Variants in FBXO3 observed in about 807,000 individuals in gnomAD.
FBXO3 encodes the protein F-box only protein 3.
In FBXO3, 17 loss-of-function variants were observed where a neutral mutation model predicts 64.8. The ratio of observed to expected loss-of-function variants is 0.26; its 90% CI spans 0.18 to 0.39. The LOEUF is 0.39. Among genes scored for constraint, FBXO3 ranks in the 10% least tolerant of loss-of-function variants. The pLI is 1.00. For synonymous variants in FBXO3, 182 were observed against 201.6 expected, an observed-to-expected ratio of 0.90 and a Z score of 0.82; for missense variants, 420 against 589.9, an observed-to-expected ratio of 0.71 and a Z score of 2.98.
rs368694804 is a variant in FBXO3, at chr11:33,750,570, G to A, written c.901C>T (p.Pro301Ser). 4 of 1,613,916 alleles carry A rather than the reference G, an allele frequency of 2.5e-6. No homozygotes were observed. Among genetic ancestry groups the A allele is most frequent in the Non-Finnish European group, 2.5e-6 (3 of 1,179,858 alleles). The change falls in exon 8 of 11, where the codon CCA (proline) becomes TCA (serine). Residue 301 changes from proline (P) to serine (S), a missense_variant. Coordinates refer to ENST00000265651, the MANE Select transcript of FBXO3 (RefSeq NM_012175.4). ...CGGTATGTGAAGAAATAGTGGGGTG[G>A]ATGTACAGAGCTAAGTTCTGGCAGA... is the stretch of plus-strand genomic sequence containing the variant. ...SFLPELSSVH[P>S]PHYFFTYRIR... is the part of the protein sequence containing the mutation.
chr11:33,746,948 A>C, intron 10 of FBXO3, 182 bp downstream of exon 10: 4 of 1,451,468 alleles, frequency 2.8e-6, no homozygotes, highest in Non-Finnish European at 3.6e-6. Context: ...CTGGTTAGAG[A>C]CTATGGAGCC....
chr11:33,746,733 A>T, intron 10 of FBXO3: 1 of 1,425,792 alleles, frequency 7.0e-7, no homozygotes, highest in Admixed American at 2.8e-5. Flanking sequence ...GTACACATCC[A>T]CACATTAAAT....
intron 4 of FBXO3, among the ~76,000 whole-genome samples, chr11:33,757,671 A>AAAAAAAAAAAAAAAAAAAAAAAAC (rs1301753464): frequency 7.0e-6 from 1 of 143,690 alleles, no homozygotes; most frequent in Non-Finnish European, 1.5e-5. Flanking sequence ...AAAAAAAAAA[A>AAAAAAAAAAAAAAAAAAAAAAAAC]AAAAAAAAAA....
chr11:33,753,499 C>T, intron 6 of FBXO3: 1 of 152,200 alleles, frequency 6.6e-6, no homozygotes, highest in Non-Finnish European at 1.5e-5. Context: ...GCAAAAATAA[C>T]AACGAGGGCA....
rs1590556985 is a variant in FBXO3, at chr11:33,741,692, A to T, written c.*216T>A. ...TTCTTCCACTGACTCCTGGAAGAGA[A>T]AAAAAAGATTCCCATTTCTTCCTCT... On this transcript the variant is annotated 3_prime_UTR_variant, in exon 11 of 11. Transcript: ENST00000265651. 2.6e-6 allele frequency: 1 copy of T among 386,256 alleles called. No homozygotes were observed. The highest frequency in any genetic ancestry group is 3.9e-5 in the East Asian group (1 of 25,392). 23.9% of individuals were successfully genotyped at this position (386,256 alleles called of 1,614,324 possible).
At chr11:33,767,002 G>GAA (rs11417319) in intron 3 of FBXO3, among the ~76,000 whole-genome samples, 35 of 142,208 alleles carry the variant, frequency 2.5e-4, no homozygotes, top group Admixed American at 4.9e-4. Context: ...AAAAAAAAAA[G>GAA]AAAAAAAAAA....
rs752650063 is a variant in FBXO3, at chr11:33,747,298, T to C, written c.1071A>G (p.Pro357=). The C allele has an allele frequency of 1.0e-4, 165 of 1,609,402 alleles. 1 individual carries two copies. The highest frequency in any genetic ancestry group is 8.9e-5 in the South Asian group (8 of 90,212). The stretch of plus-strand genomic sequence containing the variant: ...AGCTTGTGTATTCATATACCCGACC[T>C]GGGCTGATGATTGGAAATTCACCTG... ...GVVGEFPIIS[P]GRVYEYTSCT... is the part of the protein sequence containing the mutation. Residue 357 remains proline (P), a synonymous_variant, in exon 10 of 11, where the codon CCA becomes CCG. Transcript: ENST00000265651.
intron 10 of FBXO3, chr11:33,744,322 C>G (rs1200695509): frequency 6.6e-6 from 1 of 151,946 alleles, no homozygotes; most frequent in Non-Finnish European, 1.5e-5. Context: ...TGTACACACA[C>G]AAACAGCAGA....
At chr11:33,747,919 A>G (rs1040016944) in intron 9 of FBXO3, among the ~76,000 whole-genome samples, 4 of 152,072 alleles carry the variant, frequency 2.6e-5, no homozygotes, top group Non-Finnish European at 5.9e-5. Context: ...TCTTTTTCAA[A>G]AAGCTTTGAG....
In FBXO3 at chr11:33,741,623, A is replaced by T; in HGVS notation, c.*285T>A. 1 of 226,314 alleles carries T rather than the reference A, an allele frequency of 4.4e-6. No homozygotes were observed. Among genetic ancestry groups the T allele is most frequent in the Non-Finnish European group, 8.5e-6 (1 of 117,380 alleles). The allele number at this position is 226,314 out of a possible 1,614,324, so 14.0% of individuals were successfully genotyped here. The stretch of plus-strand genomic sequence containing the variant: ...ATTTCTAGATTTTTGTAAGTATAAA[A>T]TATTTTAAAACAAAGGTATGTCCAT... On this transcript the variant is annotated 3_prime_UTR_variant, in exon 11 of 11. Coordinates refer to ENST00000265651, the MANE Select transcript of FBXO3 (RefSeq NM_012175.4).
intron 10 of FBXO3, 63 bp from the exon 11 acceptor site, chr11:33,742,147 T>A: frequency 6.4e-6 from 9 of 1,398,796 alleles, no homozygotes; most frequent in Non-Finnish European, 7.5e-6. Flanking sequence ...TTATTTCATG[T>A]AAATTCTCAT....
chr11:33,769,393 T>C (rs1449278006), intron 2 of FBXO3, among the ~76,000 whole-genome samples: 1 of 152,176 alleles, frequency 6.6e-6, no homozygotes. Flanking sequence ...GATATAATAA[T>C]ATTAATCTAA....
rs917040404 is a variant in FBXO3, at chr11:33,754,306, G to C, written c.724+149C>G. 3 of 595,586 alleles carry C rather than the reference G, an allele frequency of 5.0e-6. No individual in the cohort carries two copies. In the African/African-American group the frequency reaches 5.7e-5, roughly 11 times the overall value. The allele number at this position is 595,586 out of a possible 1,614,324, so 36.9% of individuals were successfully genotyped here. A position where few individuals can be genotyped will look rare whatever the true frequency, so the allele number is the denominator to read the frequency against. On this transcript the variant is annotated intron_variant, in intron 6 of 10. Coordinates refer to ENST00000265651, the MANE Select transcript of FBXO3 (RefSeq NM_012175.4). Reference sequence around the variant, plus strand: ...AAACGGTTCTAATGAAAACCTAGATGCAGTACTTTATAAACCAGCAAACCT... The same window carrying C: ...AAACGGTTCTAATGAAAACCTAGATCCAGTACTTTATAAACCAGCAAACCT...
At chr11:33,765,455 AAGAG>A (rs575822412) in intron 3 of FBXO3, among the ~76,000 whole-genome samples, 219 of 152,282 alleles carry the variant, frequency 1.4e-3, no homozygotes, top group African/African-American at 4.9e-3. Flanking sequence ...TTTCTTGAAG[AAGAG>A]AGAGAGACAA....
chr11:33,752,000 C>T (rs1854972971), intron 6 of FBXO3, among the ~76,000 whole-genome samples: 1 of 152,278 alleles, frequency 6.6e-6, no homozygotes, highest in Non-Finnish European at 1.5e-5. Context: ...AGAAAAATAT[C>T]AGCACCTATT....
rs1854733262 is a variant in FBXO3 at position 33,743,336 on chromosome 11, T to C, written c.1240-1252A>G. ...GTGATGTTGAACATGCATCTGAATATCTCTTGGAAATGTCAATTCTGCCCA... is the reference window on the plus strand; with the variant it reads ...GTGATGTTGAACATGCATCTGAATACCTCTTGGAAATGTCAATTCTGCCCA... On this transcript the variant is annotated intron_variant, in intron 10 of 10. Coordinates refer to ENST00000265651, the MANE Select transcript of FBXO3 (RefSeq NM_012175.4). This position sits in a 1 kb window ranked among gnomAD's most constrained non-coding sequence, Gnocchi z 4.6. The C allele has an allele frequency of 6.6e-6, 1 of 152,192 alleles. No individual in the cohort carries two copies. The highest frequency in any genetic ancestry group is 6.5e-5 in the Admixed American group (1 of 15,282). 9.4% of individuals were successfully genotyped at this position (152,192 alleles called of 1,614,324 possible). A position where few individuals can be genotyped will look rare whatever the true frequency, so the allele number is the denominator to read the frequency against.
intron 3 of FBXO3, among the ~76,000 whole-genome samples, chr11:33,763,645 A>C (rs1378299238): frequency 6.9e-6 from 1 of 145,304 alleles, no homozygotes; most frequent in East Asian, 2.0e-4. Context: ...AAAAAAAAAA[A>C]AACCCTACAG....
rs1175880854 is a variant in FBXO3, at chr11:33,774,444, G to A, written c.54C>T (p.Thr18=). The A allele has an allele frequency of 3.1e-6, 5 of 1,601,438 alleles. No individual in the cohort carries two copies. Among genetic ancestry groups the A allele is most frequent in the South Asian group, 2.2e-5 (2 of 90,046 alleles). ...TAPLTLESLP[T]DPLLLILSFL... is the part of the protein sequence containing the mutation. ...AGGATAAGATGAGGAGCAGGGGATCGGTGGGCAGCGACTCTAGGGTCAGCG... is the reference window on the plus strand; with the variant it reads ...AGGATAAGATGAGGAGCAGGGGATCAGTGGGCAGCGACTCTAGGGTCAGCG... Residue 18 remains threonine, a synonymous_variant, in exon 1 of 11, where the codon ACC becomes ACT. Transcript: ENST00000265651.
In FBXO3 at chr11:33,757,656, TAAAAAAAAA is replaced by T. The variant is rs1170445394; in HGVS notation, c.473+822_473+830del. 6.7e-4 allele frequency among the ~76,000 whole-genome samples: 16 copies of T among 23,980 alleles called. 1 individual carries two copies. The highest frequency in any genetic ancestry group is 0.05 in the Middle Eastern group (1 of 20). The allele number at this position is 23,980 out of a possible 152,430, so 15.7% of individuals were successfully genotyped here. On this transcript the variant is annotated intron_variant, in intron 4 of 10. Coordinates refer to ENST00000265651, the MANE Select transcript of FBXO3 (RefSeq NM_012175.4). The stretch of plus-strand genomic sequence containing the variant: ...GGCAACACACCAAGACACCATCTCT[TAAAAAAAAA>T]AAAAAAAAAAAAAAAAGTCTGGGTG...
Sources: gnomAD v4.1 joint callset for allele counts (sites outside exome capture counted in the v4.1 genomes callset) on GRCh38, gnomAD v4.1.1 for gene constraint, Gnocchi (gnomAD v3.1) non-coding constraint, MANE v1.5 for transcripts, NCBI Gene and HGNC (gene_info 2026-07-23, HGNC 2026-07-21) for gene names.